Variants in MGST1 observed in about 807,000 individuals in gnomAD.
MGST1 encodes glutathione S-transferase 12.
In MGST1, 5 loss-of-function variants were observed where a neutral mutation model predicts 8.9. That is an observed-to-expected ratio of 0.56 (90% CI 0.29 to 1.19). The LOEUF (loss-of-function observed/expected upper bound fraction) is 1.19. Ranked by LOEUF, MGST1 falls within the 50% of genes most tolerant of loss-of-function variation. The pLI, the probability that MGST1 is intolerant of heterozygous loss-of-function variation, is 0.08. For missense variants in MGST1, 182 were observed against 187.4 expected (o/e 0.97, Z 0.17); for synonymous variants, 54 against 67.8 (o/e 0.80, Z 1.00).
At chr12:16,549,238 G>A (rs566516377) in intron 4 of MGST1, 9 of 152,184 alleles carry the variant, frequency 5.9e-5, no homozygotes, top group African/African-American at 2.2e-4. Flanking sequence ...TTCTCTTCAT[G>A]AAACAAGTGT....
chr12:16,554,801 C>A (rs755026227), intron 4 of MGST1, among the ~76,000 whole-genome samples: 2 of 152,174 alleles, frequency 1.3e-5, no homozygotes, highest in Non-Finnish European at 2.9e-5. Flanking sequence ...TGACTACAGG[C>A]GCCCGCCACC....
chr12:16,418,243 C>T (rs1466311149), intron 1 of MGST1, among the ~76,000 whole-genome samples: 1 of 152,118 alleles, frequency 6.6e-6, no homozygotes, highest in African/African-American at 2.4e-5. Context: ...TTTTAAAATA[C>T]TATGCCCAAG....
chr12:16,468,765 C>T (rs1250968271), intron 4 of MGST1, among the ~76,000 whole-genome samples: 3 of 152,196 alleles, frequency 2.0e-5, no homozygotes, highest in Admixed American at 6.5e-5. Flanking sequence ...TATTTATTCA[C>T]CCCTTCCTAT....
intron 4 of MGST1, chr12:16,551,114 A>C: frequency 1.4e-6 from 1 of 717,386 alleles, no homozygotes; most frequent in Non-Finnish European, 2.5e-6. Context: ...CTGCCTTCCT[A>C]TATCTACGCT....
intron 1 of MGST1, among the ~76,000 whole-genome samples, chr12:16,406,961 A>G (rs984913482): frequency 6.6e-6 from 1 of 152,220 alleles, no homozygotes; most frequent in Non-Finnish European, 1.5e-5. Flanking sequence ...AACACCCTGG[A>G]AAACAATCTA....
intron 4 of MGST1, among the ~76,000 whole-genome samples, chr12:16,484,424 A>AT (rs1941385364): frequency 6.6e-6 from 1 of 151,896 alleles, no homozygotes; most frequent in Non-Finnish European, 1.5e-5. Context: ...TTGTTTGTTT[A>AT]TTTTTTTACT....
chr12:16,443,542 TCTTAA>T (rs1452597359), downstream of MGST1, among the ~76,000 whole-genome samples: 1 of 151,850 alleles, frequency 6.6e-6, no homozygotes, highest in Admixed American at 6.6e-5. Context: ...CTCTTGAAAT[TCTTAA>T]CTTATTACAG....
intron 1 of MGST1, among the ~76,000 whole-genome samples, chr12:16,393,859 A>C (rs548829365): frequency 6.6e-6 from 1 of 152,320 alleles, no homozygotes; most frequent in African/African-American, 2.4e-5. Flanking sequence ...CAAATGGTAT[A>C]GTCTTTTATT....
intron 4 of MGST1, among the ~76,000 whole-genome samples, chr12:16,515,251 T>C (rs1941604539): frequency 1.3e-5 from 2 of 152,228 alleles, no homozygotes; most frequent in Admixed American, 1.3e-4. Flanking sequence ...TTTTCTTCTT[T>C]GTCATTGCTG....
In MGST1 at chr12:16,454,902, A is replaced by AAAAAAAAAAAG. The variant is rs1555104768; in HGVS notation, n.482+71300_482+71301insAAAAAAAAGAA. On this transcript the variant is annotated intron_variant and non_coding_transcript_variant, in intron 4 of 4. Transcript: ENST00000538857. ...AAAAAAAAAAAAAAAAAAAAAAAAA[A>AAAAAAAAAAAG]AAGGAGATGGGAAGATTTGAGGAGA... 1.9e-4 allele frequency among the ~76,000 whole-genome samples: 24 copies of AAAAAAAAAAAG among 125,986 alleles called. 1 individual carries two copies. The highest frequency in any genetic ancestry group is 7.4e-4 in the African/African-American group (23 of 30,922). The allele number at this position is 125,986 out of a possible 152,430, so 82.7% of individuals were successfully genotyped here.
intron 4 of MGST1, among the ~76,000 whole-genome samples, chr12:16,476,675 T>C (rs890366921): frequency 6.6e-6 from 1 of 152,152 alleles, no homozygotes; most frequent in African/African-American, 2.4e-5. Context: ...CTGCTTTAGA[T>C]AATAATTTTT....
rs3759207 is a variant in MGST1 at position 16,363,776 on chromosome 12, T to C, written c.222-19T>C. 472,744 of 1,568,612 alleles carry C rather than the reference T, an allele frequency of 0.3. 72,714 individuals carry two copies. Among genetic ancestry groups the C allele is most frequent in the Non-Finnish European group, 0.31 (361,392 of 1,149,548 alleles). ...AGTATTTTGAAATTAGTGTCTTTAATAGTTATCTTTTTCCACAGAGCCCAC... is the reference window on the plus strand; with the variant it reads ...AGTATTTTGAAATTAGTGTCTTTAACAGTTATCTTTTTCCACAGAGCCCAC... On this transcript the variant is annotated intron_variant, in intron 3 of 3. Transcript: ENST00000396210. The surrounding 1 kb of genome is among the most constrained non-coding windows in gnomAD (Gnocchi z 4.6).
intron 4 of MGST1, among the ~76,000 whole-genome samples, chr12:16,489,692 G>C (rs1378936847): frequency 6.6e-6 from 1 of 152,178 alleles, no homozygotes; most frequent in Non-Finnish European, 1.5e-5. Flanking sequence ...ACATCATATA[G>C]TTAGTAGAGG....
At chr12:16,444,189 T>G (rs1488039467) in intron 4 of MGST1, among the ~76,000 whole-genome samples, 1 of 151,138 alleles carries the variant, frequency 6.6e-6, no homozygotes. Flanking sequence ...TTTGGTTTTT[T>G]TTTTTTTTTT....
intron 4 of MGST1, among the ~76,000 whole-genome samples, chr12:16,484,353 T>C (rs957254245): frequency 6.6e-6 from 1 of 152,234 alleles, no homozygotes; most frequent in East Asian, 1.9e-4. Context: ...ACAGTTTTGC[T>C]TGGAGGGCTT....
chr12:16,405,564 A>G (rs1269128857), intron 1 of MGST1, among the ~76,000 whole-genome samples: 3 of 152,222 alleles, frequency 2.0e-5, no homozygotes, highest in Non-Finnish European at 4.4e-5. Context: ...AACTCATTCT[A>G]TGAATCCAGC....
intron 4 of MGST1, among the ~76,000 whole-genome samples, chr12:16,578,799 CAG>C (rs1943070700): frequency 6.6e-6 from 1 of 150,924 alleles, no homozygotes. Flanking sequence ...GCCTGGGAGA[CAG>C]AGCGAGATTC....
In MGST1 at chr12:16,456,863, T is replaced by A. The variant is rs1479541286; in HGVS notation, n.482+73259T>A. ...TGTCAATTCAGCTTCTGAAAACTGA[T>A]AACTTGCATTTGTTTCTCCACTTCT... On this transcript the variant is annotated intron_variant and non_coding_transcript_variant, in intron 4 of 4. Transcript: ENST00000538857. 1.1e-4 allele frequency among the ~76,000 whole-genome samples: 17 copies of A among 151,908 alleles called. No individual in the cohort carries two copies. The South Asian group carries it at 3.1e-3, about 28-fold the overall frequency.
At chr12:16,487,575 G>T (rs903782363) in intron 4 of MGST1, among the ~76,000 whole-genome samples, 1 of 152,214 alleles carries the variant, frequency 6.6e-6, no homozygotes, top group Non-Finnish European at 1.5e-5. Context: ...AAAGGGTAAA[G>T]GCAGTAATAT....
Sources: gnomAD v4.1 joint callset for allele counts (sites outside exome capture counted in the v4.1 genomes callset) on GRCh38, gnomAD v4.1.1 for gene constraint, Gnocchi (gnomAD v3.1) non-coding constraint, MANE v1.5 for transcripts, NCBI Gene and HGNC (gene_info 2026-07-23, HGNC 2026-07-21) for gene names.